IL18BP: variants seen among roughly 807,000 people sequenced by gnomAD.
IL18BP encodes the protein interleukin-18-binding protein.
IL18BP carries 23 observed loss-of-function variants against 19.9 expected under a neutral mutation model. That is an observed-to-expected ratio of 1.15 (90% CI 0.83 to 1.64). The LOEUF is 1.64. Ranked by LOEUF, IL18BP falls within the 40% of genes most tolerant of loss-of-function variation. The pLI is 0.00. For synonymous variants in IL18BP, 107 were observed against 101.0 expected (o/e 1.06, Z -0.35); for missense variants, 239 against 240.7 (o/e 0.99, Z 0.05).
At chr11:72,003,667 C>A, downstream of IL18BP, 1 of 1,258,956 alleles carries the variant, frequency 7.9e-7, no homozygotes, top group Non-Finnish European at 1.2e-6. Flanking sequence ...CCAGGGTTAT[C>A]AGTTGCTGGC....
chr11:72,001,358 AGGCCTTCTGC>A (rs778477935), intron 4 of IL18BP, 34 bp downstream of exon 4: 3 of 1,614,100 alleles, frequency 1.9e-6, no homozygotes, highest in African/African-American at 2.7e-5. Context: ...GGTGGGAAGG[AGGCCTTCTGC>A]GGCCTTCTCA....
At chr11:72,003,466 G>A (rs1283801098), downstream of IL18BP, 70 of 1,532,746 alleles carry the variant, frequency 4.6e-5, no homozygotes, top group East Asian at 3.4e-4. Flanking sequence ...GACAGTAGGC[G>A]GAGGACCAGG....
intron 1 of IL18BP, 55 bp from the exon 2 acceptor site, chr11:71,999,872 G>A (rs921193667): frequency 9.5e-7 from 1 of 1,056,546 alleles, no homozygotes. Context: ...GGAAAAGCCA[G>A]CTACTGAGAA....
At position 72,001,929 on chromosome 11, in the gene IL18BP, T is replaced by C. The variant is rs1478740749; in HGVS notation, c.*68T>C. 20 of 1,605,496 alleles carry C rather than the reference T, an allele frequency of 1.2e-5. No homozygotes were observed. Among genetic ancestry groups the C allele is most frequent in the Non-Finnish European group, 1.4e-5 (16 of 1,175,830 alleles). On this transcript the variant is annotated 3_prime_UTR_variant, in exon 6 of 6. Coordinates refer to ENST00000393703, the MANE Select transcript of IL18BP (RefSeq NM_001039660.2). ...TTGGGTCCTACCTGTCTACCTGGAG[T>C]GAACAGTCCCTGACTGCCTGTAGGC...
chr11:72,003,187 A>T, downstream of IL18BP: 1 of 388,956 alleles, frequency 2.6e-6, no homozygotes, highest in Admixed American at 4.0e-5. Flanking sequence ...TTCTAGATCC[A>T]GAGGCTAAGA....
At chr11:72,008,087 C>G (rs1015968559), downstream of IL18BP, 1 of 477,772 alleles carries the variant, frequency 2.1e-6, no homozygotes, top group South Asian at 1.5e-5. Flanking sequence ...ACAGAATAAA[C>G]CTACCTCAGA....
chr11:72,003,679 G>T, downstream of IL18BP: 1 of 1,165,860 alleles, frequency 8.6e-7, no homozygotes. Context: ...GTTGCTGGCT[G>T]TGCCTGAGCA....
chr11:72,000,205 G>C, intron 2 of IL18BP, 146 bp from the exon 3 acceptor site: 2 of 863,990 alleles, frequency 2.3e-6, no homozygotes, highest in Non-Finnish European at 3.8e-6. Context: ...GTTCAATAAA[G>C]GGCTAAGGGG....
At chr11:72,007,499 T>C, downstream of IL18BP, 4 of 1,580,690 alleles carry the variant, frequency 2.5e-6, no homozygotes, top group Non-Finnish European at 3.4e-6. Context: ...TCCAGCCCTT[T>C]TTGAAAGTGA....
rs1453375992 is a variant in IL18BP at position 72,001,809 on chromosome 11, C to G, written c.533C>G (p.Pro178Arg). Residue 178 changes from proline to arginine, a missense_variant, in exon 6 of 6, where the codon CCC becomes CGC. Coordinates refer to ENST00000393703, the MANE Select transcript of IL18BP (RefSeq NM_001039660.2). ...LWAGLRATLP[P>R]TQEALPSSHS... ...GCTGGGCTGAGGGCAACCTTGCCCC[C>G]CACCCAAGAAGCCCTGCCCTCCAGC... 2 of 1,614,078 alleles carry G rather than the reference C, an allele frequency of 1.2e-6. No individual in the cohort carries two copies. The highest frequency in any genetic ancestry group is 1.7e-6 in the Non-Finnish European group (2 of 1,179,980).
downstream of IL18BP, chr11:72,004,293 G>A (rs138878450): frequency 2.5e-6 from 4 of 1,613,378 alleles, no homozygotes; most frequent in South Asian, 1.1e-5. Flanking sequence ...CCTTCATGTC[G>A]GTCTCGGGGA....
downstream of IL18BP, chr11:72,005,514 G>T: frequency 1.4e-6 from 1 of 708,508 alleles, no homozygotes; most frequent in Admixed American, 2.9e-5. Context: ...GCAGGTGCAG[G>T]AGTACGGCAC....
At chr11:72,007,347 ATTC>A, downstream of IL18BP, 1 of 1,613,592 alleles carries the variant, frequency 6.2e-7, no homozygotes. Context: ...CTCTCCAGGG[ATTC>A]TACCTTGGGG....
Position 72,001,319 on chromosome 11 carries a change from C to T in IL18BP, c.354C>T (p.Ser118=). 6.2e-7 allele frequency: 1 copy of T among 1,614,184 alleles called. No individual in the cohort carries two copies. Among genetic ancestry groups the T allele is most frequent in the South Asian group, 1.1e-5 (1 of 91,084 alleles). The change falls in exon 4 of 6, where the codon AGC becomes AGT. Residue 118 remains serine, a synonymous_variant. Transcript: ENST00000393703. ...TCCCAGGCCGACTGTGGGAGGGGAG[C>T]ACCAGGTGAGGGTCGCAGCAGCCAG... is the stretch of plus-strand genomic sequence containing the variant. ...EHLPGRLWEG[S]TSRERGSTGT...
Position 72,001,263 on chromosome 11 carries a change from T to G in IL18BP, c.298T>G (p.Trp100Gly). 1 of 1,614,202 alleles carries G rather than the reference T, an allele frequency of 6.2e-7. No homozygotes were observed. The highest frequency in any genetic ancestry group is 2.2e-5 in the East Asian group (1 of 44,880). Residue 100 changes from tryptophan (W) to glycine (G), a missense_variant, in exon 4 of 6, where the codon TGG becomes GGG. Coordinates refer to ENST00000393703, the MANE Select transcript of IL18BP (RefSeq NM_001039660.2). ...CTTCCCCAACTTCAGCATCCTCTAC[T>G]GGCTGGGCAATGGTTCCTTCATTGA... is the stretch of plus-strand genomic sequence containing the variant. ...SRFPNFSILY[W>G]LGNGSFIEHL... is the part of the protein sequence containing the mutation.
At chr11:72,005,659 A>G, downstream of IL18BP, 1 of 502,974 alleles carries the variant, frequency 2.0e-6, no homozygotes, top group South Asian at 2.8e-5. Flanking sequence ...GGAACAAATT[A>G]AGGACCGGGA....
chr11:72,003,623 C>CA, downstream of IL18BP: 1 of 1,553,194 alleles, frequency 6.4e-7, no homozygotes, highest in Non-Finnish European at 8.9e-7. Context: ...TTCCTGCTCC[C>CA]ACGCCCCTGT....
At chr11:72,001,597 C>T in intron 5 of IL18BP, 45 bp downstream of exon 5, 1 of 1,596,390 alleles carries the variant, frequency 6.3e-7, no homozygotes, top group Non-Finnish European at 8.5e-7. Flanking sequence ...AGGAGCTCTG[C>T]TTCCATATGT....
intron 1 of IL18BP, 156 bp from the exon 2 acceptor site, chr11:71,999,771 G>T (rs1020364740): frequency 3.6e-5 from 21 of 585,532 alleles, no homozygotes; most frequent in Non-Finnish European, 5.8e-5. Flanking sequence ...GAGCTGGGGT[G>T]GGGAAGGATT....
Sources: gnomAD v4.1 joint callset for allele counts on GRCh38, gnomAD v4.1.1 for gene constraint, MANE v1.5 for transcripts, NCBI Gene and HGNC (gene_info 2026-07-23, HGNC 2026-07-21) for gene names.